The following NLK variants were observed in gnomAD, a reference collection of about 807,000 sequenced individuals.
NLK encodes serine/threonine-protein kinase NLK.
NLK carries 11 observed loss-of-function variants against 59.0 expected under a neutral mutation model. That is an observed-to-expected ratio of 0.19 (90% confidence interval 0.12 to 0.31). The LOEUF (loss-of-function observed/expected upper bound fraction) is 0.31, where lower values mean the gene tolerates loss of function less well. Ranked by LOEUF, NLK falls within the 10% of genes least tolerant of loss-of-function variation. The pLI is 1.00. For synonymous variants in NLK, 235 were observed against 235.9 expected, an observed-to-expected ratio of 1.00 and a Z score of 0.03; for missense variants, 410 against 661.1, an observed-to-expected ratio of 0.62 and a Z score of 4.16.
rs113836839 is a variant in NLK at position 28,183,154 on chromosome 17, C to T, written c.1150-2025C>T. Among the ~76,000 whole-genome samples, 6 of 152,266 alleles carry T rather than the reference C, an allele frequency of 3.9e-5. 1 individual carries two copies. The highest frequency in any genetic ancestry group is 1.4e-4 in the African/African-American group (6 of 41,562). On this transcript the variant is annotated intron_variant, in intron 7 of 10. Transcript: ENST00000407008. ...GAGGATCGCTTGAGCCCTGCCTGGG[C>T]AACATAGCAAGACTCCATTTCTTTA...
intron 1 of NLK, among the ~76,000 whole-genome samples, chr17:28,058,109 G>T (rs917793193): frequency 1.5e-4 from 23 of 152,182 alleles, no homozygotes; most frequent in Admixed American, 1.1e-3. Flanking sequence ...ACATAGTTTC[G>T]TAATGTAAAC....
rs146458217 is a variant in NLK at position 28,085,477 on chromosome 17, C to A, written c.459-37126C>A. Among the ~76,000 whole-genome samples the A allele has an allele frequency of 1.0e-3, 157 of 152,308 alleles. 1 individual carries two copies. The highest frequency in any genetic ancestry group is 3.7e-3 in the African/African-American group (152 of 41,560). ...GCTGAAGGCTGGGCATGGTGGCTCACGCTTGTAATCCCAGCACTTTGGGAG... is the reference window on the plus strand; with the variant it reads ...GCTGAAGGCTGGGCATGGTGGCTCAAGCTTGTAATCCCAGCACTTTGGGAG... On this transcript the variant is annotated intron_variant, in intron 1 of 10. Coordinates refer to ENST00000407008, the MANE Select transcript of NLK (RefSeq NM_016231.5).
intron 5 of NLK, among the ~76,000 whole-genome samples, chr17:28,166,067 T>G (rs550548495): frequency 1.4e-4 from 22 of 152,212 alleles, no homozygotes; most frequent in African/African-American, 4.8e-4. Flanking sequence ...ATACAAAAAT[T>G]AGCCAGGCGT....
In NLK at chr17:28,189,102, A is replaced by G. The variant is rs545401940; in HGVS notation, c.1237-1919A>G. On this transcript the variant is annotated intron_variant, in intron 8 of 10. Coordinates refer to ENST00000407008, the MANE Select transcript of NLK (RefSeq NM_016231.5). ...GACAGGTCACCATCAAAAAGCAGGC[A>G]TACAACACACAGTTTGTTCAGTATC... is the stretch of plus-strand genomic sequence containing the variant. 1.3e-5 allele frequency among the ~76,000 whole-genome samples: 2 copies of G among 152,290 alleles called. 1 individual carries two copies. The highest frequency in any genetic ancestry group is 4.1e-4 in the South Asian group (2 of 4,826).
chr17:28,193,157 C>A (rs906089421), intron 10 of NLK, among the ~76,000 whole-genome samples: 7 of 152,260 alleles, frequency 4.6e-5, no homozygotes, highest in African/African-American at 1.7e-4. Flanking sequence ...TGATCAACTG[C>A]TAAAAGGCAT....
At chr17:28,084,710 C>T (rs1201277328) in intron 1 of NLK, among the ~76,000 whole-genome samples, 2 of 152,146 alleles carry the variant, frequency 1.3e-5, no homozygotes, top group African/African-American at 2.4e-5. Context: ...ATTTCAGGCA[C>T]CTGCCACCAT....
At chr17:28,116,156 T>G (rs1313885548) in intron 1 of NLK, 1 of 152,246 alleles carries the variant, frequency 6.6e-6, no homozygotes, top group Non-Finnish European at 1.5e-5. Flanking sequence ...TTTTTAAAAT[T>G]TTTTATTTTA....
intron 4 of NLK, among the ~76,000 whole-genome samples, chr17:28,162,294 C>T (rs1385028143): frequency 1.3e-5 from 2 of 152,022 alleles, no homozygotes; most frequent in Non-Finnish European, 2.9e-5. Flanking sequence ...GGATTACAGG[C>T]GTGAGCCACT....
intron 1 of NLK, among the ~76,000 whole-genome samples, chr17:28,115,006 T>C (rs937559363): frequency 2.0e-5 from 3 of 152,194 alleles, no homozygotes; most frequent in African/African-American, 7.2e-5. Flanking sequence ...ATTGGAATTA[T>C]TCAAATTTAG....
the NLK span, among the ~76,000 whole-genome samples, chr17:28,204,004 A>G: frequency 6.6e-6 from 1 of 152,228 alleles, no homozygotes; most frequent in Non-Finnish European, 1.5e-5. Context: ...CACACTTCTC[A>G]GAGAGCTGCC....
Position 28,191,170 on chromosome 17 carries a change from AT to A in NLK, c.1389del (p.Phe463LeufsTer70). ...ACTTTGAGCCTGTCACCAATCCCAA[AT>A]TTGATGACACTTTCGAGAAGAACCT... ...SDFEPVTNPK[F>X]DDTFEKNLSS... On this transcript the variant is annotated frameshift_variant, in exon 9 of 11. Transcript: ENST00000407008. LOFTEE classifies it high-confidence loss of function. 6.2e-7 allele frequency: 1 copy of A among 1,613,280 alleles called. No individual in the cohort carries two copies. The highest frequency in any genetic ancestry group is 8.5e-7 in the Non-Finnish European group (1 of 1,179,662).
chr17:28,097,347 G>C (rs145730214), intron 1 of NLK, among the ~76,000 whole-genome samples: 44 of 152,164 alleles, frequency 2.9e-4, no homozygotes, highest in African/African-American at 1.1e-3. Flanking sequence ...TTCATTTCTT[G>C]TGTGGATATC....
chr17:28,198,447 C>T (rs1426871131), downstream of NLK, among the ~76,000 whole-genome samples: 2 of 152,190 alleles, frequency 1.3e-5, no homozygotes, highest in East Asian at 3.8e-4. Flanking sequence ...CCTCAGCCTC[C>T]CAAGTAGCTG....
intron 7 of NLK, among the ~76,000 whole-genome samples, chr17:28,180,062 A>G (rs751138189): frequency 2.1e-4 from 32 of 152,262 alleles, no homozygotes; most frequent in South Asian, 2.1e-4. Flanking sequence ...TGTGGAGCCA[A>G]TGCTAGAAAC....
intron 2 of NLK, among the ~76,000 whole-genome samples, chr17:28,128,529 T>G (rs1906382273): frequency 6.6e-6 from 1 of 152,156 alleles, no homozygotes; most frequent in Non-Finnish European, 1.5e-5. Context: ...AATGAAAAAT[T>G]TCACGAAAGA....
intron 6 of NLK, chr17:28,171,149 A>C (rs985303877): frequency 6.6e-6 from 1 of 152,208 alleles, no homozygotes; most frequent in Non-Finnish European, 1.5e-5. Flanking sequence ...TTAGAGATCC[A>C]AAAGTATCAC....
At chr17:28,104,408 A>G (rs1905005176) in intron 1 of NLK, among the ~76,000 whole-genome samples, 1 of 152,064 alleles carries the variant, frequency 6.6e-6, no homozygotes, top group African/African-American at 2.4e-5. Flanking sequence ...GGCACACGCC[A>G]CTATGCCCAG....
intron 1 of NLK, among the ~76,000 whole-genome samples, chr17:28,120,937 T>TATCC (rs766210946): frequency 5.9e-5 from 9 of 152,250 alleles, no homozygotes; most frequent in Non-Finnish European, 1.3e-4. Context: ...AGTAATTGAA[T>TATCC]ATCCATACTC....
intron 1 of NLK, among the ~76,000 whole-genome samples, chr17:28,069,358 G>A (rs1348480859): frequency 6.6e-6 from 1 of 152,088 alleles, no homozygotes; most frequent in African/African-American, 2.4e-5. Context: ...TCTTACATAA[G>A]TCTTTTTATG....
Sources: gnomAD v4.1 joint callset for allele counts (sites outside exome capture counted in the v4.1 genomes callset) on GRCh38, gnomAD v4.1.1 for gene constraint, MANE v1.5 for transcripts, NCBI Gene and HGNC (gene_info 2026-07-23, HGNC 2026-07-21) for gene names.